The following ATXN10 variants were observed in gnomAD, a reference collection of about 807,000 sequenced individuals.
The protein encoded by ATXN10 is ataxin-10.
Under a neutral mutation model 52.9 loss-of-function variants are expected in ATXN10, and 28 were observed. The observed-to-expected ratio is 0.53, with a 90% confidence interval of 0.39 to 0.73. The LOEUF (loss-of-function observed/expected upper bound fraction) is 0.73, where lower values mean the gene tolerates loss of function less well. Ranked by LOEUF, ATXN10 falls within the 30% of genes least tolerant of loss-of-function variation. The probability of loss-of-function intolerance (pLI) is 0.00; values close to 1 mark genes in which losing one functional copy is unlikely to be tolerated. For missense variants in ATXN10, 565 were observed against 577.0 expected, an observed-to-expected ratio of 0.98 and a Z score of 0.21; for synonymous variants, 226 against 221.5, an observed-to-expected ratio of 1.02 and a Z score of -0.18.
In ATXN10 at chr22:45,835,222, A is replaced by G. The variant is rs1008739759; in HGVS notation, c.1238-7769A>G. ...ACTTCACTGCCAGATGGACGGGCTC[A>G]TGGGTCCTGCTTTGCCTGGCGTGGG... On this transcript the variant is annotated intron_variant, in intron 10 of 11. Transcript: ENST00000252934. This position sits in a 1 kb window ranked among gnomAD's most constrained non-coding sequence, Gnocchi z 5.0. Among the ~76,000 whole-genome samples the G allele has an allele frequency of 3.9e-5, 6 of 152,124 alleles. No individual in the cohort carries two copies. The highest frequency in any genetic ancestry group is 1.4e-4 in the African/African-American group (6 of 41,414).
intron 9 of ATXN10, among the ~76,000 whole-genome samples, chr22:45,758,665 T>C (rs1304309636): frequency 6.6e-6 from 1 of 152,258 alleles, no homozygotes; most frequent in Non-Finnish European, 1.5e-5. Flanking sequence ...ACACTGGCCA[T>C]GTGTTTGCAC....
intron 5 of ATXN10, among the ~76,000 whole-genome samples, chr22:45,717,523 T>G (rs1775297562): frequency 6.6e-6 from 1 of 152,226 alleles, no homozygotes; most frequent in South Asian, 2.1e-4. Flanking sequence ...TTTTTAGGAA[T>G]ATTTTACATC....
Position 45,805,184 on chromosome 22 carries a change from C to G in ATXN10, c.1174-1775C>G, listed in dbSNP as rs1158499217. 2.0e-5 allele frequency among the ~76,000 whole-genome samples: 3 copies of G among 152,160 alleles called. No individual in the cohort carries two copies. Among genetic ancestry groups the G allele is most frequent in the Non-Finnish European group, 4.4e-5 (3 of 68,034 alleles). ...TACCACTTCACTTACACTAGAATGC[C>G]TACTACAAAAGACAGACAATAGCAA... is the stretch of plus-strand genomic sequence containing the variant. On this transcript the variant is annotated intron_variant, in intron 9 of 11. Transcript: ENST00000252934. The surrounding 1 kb of genome is among the most constrained non-coding windows in gnomAD (Gnocchi z 4.4).
At chr22:45,747,603 T>A (rs764203818) in intron 9 of ATXN10, among the ~76,000 whole-genome samples, 1 of 152,198 alleles carries the variant, frequency 6.6e-6, no homozygotes, top group Non-Finnish European at 1.5e-5. Flanking sequence ...GTGTGCTGTT[T>A]ATAGAGGAAC....
At chr22:45,721,644 G>A (rs1924655116) in intron 6 of ATXN10, among the ~76,000 whole-genome samples, 1 of 152,142 alleles carries the variant, frequency 6.6e-6, no homozygotes, top group Non-Finnish European at 1.5e-5. Flanking sequence ...AACAACTACT[G>A]CTACTATGCT....
At chr22:45,773,145 TC>T (rs768759464) in intron 9 of ATXN10, among the ~76,000 whole-genome samples, 2 of 152,234 alleles carry the variant, frequency 1.3e-5, no homozygotes, top group East Asian at 3.9e-4. Context: ...TCCTGGTTGT[TC>T]GTCTCGCATG....
intron 1 of ATXN10, among the ~76,000 whole-genome samples, chr22:45,687,826 C>T (rs954196118): frequency 2.0e-5 from 3 of 152,090 alleles, no homozygotes; most frequent in Non-Finnish European, 2.9e-5. Flanking sequence ...TTTGGGAGGC[C>T]GAGGTAGGCA....
chr22:45,708,891 T>C lies in ATXN10; in HGVS notation c.647+6044T>C, dbSNP rs138149. On this transcript the variant is annotated intron_variant, in intron 5 of 11. Transcript: ENST00000252934. The surrounding 1 kb of genome is among the most constrained non-coding windows in gnomAD (Gnocchi z 5.3). The stretch of plus-strand genomic sequence containing the variant: ...CCTGACCTCAGGTGATCTCCCCGCC[T>C]GTCTCCCAAAGTGCTGGGATTACAG... 0.048 allele frequency among the ~76,000 whole-genome samples: 7,238 copies of C among 152,262 alleles called. 478 individuals are homozygous for C. Among genetic ancestry groups the C allele is most frequent in the African/African-American group, 0.16 (6,534 of 41,520 alleles).
chr22:45,689,083 C>G (rs947699612), intron 1 of ATXN10, among the ~76,000 whole-genome samples: 4 of 152,172 alleles, frequency 2.6e-5, no homozygotes, highest in Non-Finnish European at 2.9e-5. Flanking sequence ...TTCTCCCCCT[C>G]TCCTTTCTCT....
chr22:45,763,155 C>A lies in ATXN10; in HGVS notation c.1173+22617C>A, dbSNP rs1271737311. 6.6e-6 allele frequency among the ~76,000 whole-genome samples: 1 copy of A among 152,176 alleles called. No homozygotes were observed. Among genetic ancestry groups the A allele is most frequent in the Admixed American group, 6.5e-5 (1 of 15,282 alleles). On this transcript the variant is annotated intron_variant, in intron 9 of 11. Coordinates refer to ENST00000252934, the MANE Select transcript of ATXN10 (RefSeq NM_013236.4). The surrounding 1 kb of genome is among the most constrained non-coding windows in gnomAD (Gnocchi z 6.9). ...TTCTGTGGCCTTCCTACCCCCTCTC[C>A]CTCACCCTGGTGACTCTCAGTTGGG...
In ATXN10 at chr22:45,790,192, T is replaced by C. The variant is rs1462852047; in HGVS notation, c.1174-16767T>C. Among the ~76,000 whole-genome samples, 5 of 152,180 alleles carry C rather than the reference T, an allele frequency of 3.3e-5. No individual in the cohort carries two copies. The highest frequency in any genetic ancestry group is 1.2e-4 in the African/African-American group (5 of 41,450). On this transcript the variant is annotated intron_variant, in intron 9 of 11. Transcript: ENST00000252934. The surrounding 1 kb of genome is among the most constrained non-coding windows in gnomAD (Gnocchi z 4.7). ...CTCCCTGATTTCTTATTCTGCACAA[T>C]CCCAGTTAGAGGGGCTCTTAATGCC... is the stretch of plus-strand genomic sequence containing the variant.
chr22:45,790,723 G>A lies in ATXN10; in HGVS notation c.1174-16236G>A, dbSNP rs1927478587. Among the ~76,000 whole-genome samples, 1 of 152,134 alleles carries A rather than the reference G, an allele frequency of 6.6e-6. No individual in the cohort carries two copies. The highest frequency in any genetic ancestry group is 1.5e-5 in the Non-Finnish European group (1 of 68,026). ...CCCAATCACAGTTTCTGTTCAAATAGCCACTGAAACATCTACTCTTTTCTA... is the reference window on the plus strand; with the variant it reads ...CCCAATCACAGTTTCTGTTCAAATAACCACTGAAACATCTACTCTTTTCTA... On this transcript the variant is annotated intron_variant, in intron 9 of 11. Coordinates refer to ENST00000252934, the MANE Select transcript of ATXN10 (RefSeq NM_013236.4). The surrounding 1 kb of genome is among the most constrained non-coding windows in gnomAD (Gnocchi z 4.7).
At chr22:45,694,280 C>T (rs1192032648) in intron 3 of ATXN10, among the ~76,000 whole-genome samples, 1 of 151,736 alleles carries the variant, frequency 6.6e-6, no homozygotes, top group East Asian at 1.9e-4. Flanking sequence ...AAAAAAAAAA[C>T]GTAGATTTTT....
At position 45,815,277 on chromosome 22, in the gene ATXN10, A is replaced by G. The variant is rs28635174; in HGVS notation, c.1237+8255A>G. 6.4e-3 allele frequency among the ~76,000 whole-genome samples: 982 copies of G among 152,336 alleles called. 5 individuals are homozygous for G. Among genetic ancestry groups the G allele is most frequent in the Middle Eastern group, 0.02 (6 of 294 alleles). On this transcript the variant is annotated intron_variant, in intron 10 of 11. Transcript: ENST00000252934. ...CAGTTCATCTACCTGAAGTTCAGGA[A>G]CAGGCAGGATTCATCTATGGTAATA...
chr22:45,719,576 G>A (rs1924572093), intron 6 of ATXN10, among the ~76,000 whole-genome samples: 1 of 150,890 alleles, frequency 6.6e-6, no homozygotes, highest in Non-Finnish European at 1.5e-5. Context: ...TTTGCAGTAA[G>A]GAACACCTGA....
chr22:45,747,269 G>T (rs1348836878), intron 9 of ATXN10, among the ~76,000 whole-genome samples: 3 of 152,186 alleles, frequency 2.0e-5, no homozygotes, highest in Non-Finnish European at 4.4e-5. Context: ...ACATTGGAAG[G>T]CTGAGGCGGG....
intron 9 of ATXN10, among the ~76,000 whole-genome samples, chr22:45,791,892 T>A (rs1008164059): frequency 6.6e-6 from 1 of 152,318 alleles, no homozygotes; most frequent in Non-Finnish European, 1.5e-5. Flanking sequence ...TGGAACTCGC[T>A]TGAGAGCTAT....
chr22:45,745,818 T>C (rs1925705550), intron 9 of ATXN10, among the ~76,000 whole-genome samples: 1 of 152,200 alleles, frequency 6.6e-6, no homozygotes, highest in Non-Finnish European at 1.5e-5. Context: ...ACATATCAAG[T>C]GCACTTTTAG....
chr22:45,713,038 CG>C (rs1924310037), intron 5 of ATXN10, among the ~76,000 whole-genome samples: 2 of 152,092 alleles, frequency 1.3e-5, no homozygotes, highest in Admixed American at 1.3e-4. Context: ...AGTATAGCAT[CG>C]CCATTGTATG....
Sources: gnomAD v4.1 joint callset for allele counts (sites outside exome capture counted in the v4.1 genomes callset) on GRCh38, gnomAD v4.1.1 for gene constraint, Gnocchi (gnomAD v3.1) non-coding constraint, MANE v1.5 for transcripts, NCBI Gene and HGNC (gene_info 2026-07-23, HGNC 2026-07-21) for gene names.